The following ANK1 variants were observed in gnomAD, a reference collection of about 807,000 sequenced individuals.
ANK1 encodes ankyrin 1.
Under a neutral mutation model 210.4 loss-of-function variants are expected in ANK1, and 51 were observed. That is an observed-to-expected ratio of 0.24 (90% CI 0.19 to 0.31). ANK1 has a LOEUF of 0.31. Ranked by LOEUF, ANK1 falls within the 10% of genes least tolerant of loss-of-function variation. The pLI is 1.00. For missense variants in ANK1, 2,051 were observed against 2,504.4 expected (o/e 0.82, Z 3.86); for synonymous variants, 967 against 1,025.9 (o/e 0.94, Z 1.10).
chr8:41,802,572 T>C (rs949728603), upstream of ANK1, among the ~76,000 whole-genome samples: 1 of 152,170 alleles, frequency 6.6e-6, no homozygotes, highest in Admixed American at 6.6e-5. Flanking sequence ...TAATAATACA[T>C]TTTATAATAA....
rs1805352990 is a variant in ANK1 at position 41,655,497 on chromosome 8, TC to T, written c.*292del. On this transcript the variant is annotated 3_prime_UTR_variant, in exon 43 of 43. Transcript: ENST00000289734. ...TGCGCTTGTTTTCTATCCCTCTCTC[TC>T]CCCGCTTCTTGCTGCTTTTGTGTCC... 1.8e-6 allele frequency: 1 copy of T among 543,304 alleles called. No homozygotes were observed. The highest frequency in any genetic ancestry group is 3.3e-6 in the Non-Finnish European group (1 of 305,876). The allele number at this position is 543,304 out of a possible 1,614,324, so 33.7% of individuals were successfully genotyped here.
chr8:41,672,946 C>A (rs1441504955), intron 37 of ANK1, 34 bp from the exon 38 acceptor site: 1 of 1,569,566 alleles, frequency 6.4e-7, no homozygotes, highest in Admixed American at 1.7e-5. Context: ...CATGCTCCAG[C>A]AGTGATTCCT....
intron 1 of ANK1, among the ~76,000 whole-genome samples, chr8:41,767,179 C>A (rs541273004): frequency 6.6e-6 from 1 of 152,248 alleles, no homozygotes; most frequent in Non-Finnish European, 1.5e-5. Context: ...AGCAGAAGGG[C>A]AGCCCCAGCG....
At position 41,725,773 on chromosome 8, in the gene ANK1, G is replaced by A. The variant is rs1830530938; in HGVS notation, c.600C>T (p.Asp200=). 2 of 1,610,610 alleles carry A rather than the reference G, an allele frequency of 1.2e-6. No homozygotes were observed. Among genetic ancestry groups the A allele is most frequent in the East Asian group, 2.2e-5 (1 of 44,864 alleles). ...TCCTCGCCCTCACCTTGGAAAGCAC[G>A]TCCGGGTTGGGGTCGTTCTGCAGCA... ...AVLLQNDPNP[D]VLSKTGFTPL... is the part of the protein sequence containing the mutation. The change falls in exon 6 of 43, where the codon GAC becomes GAT. Residue 200 remains aspartate, a synonymous_variant. Coordinates refer to ENST00000289734, the MANE Select transcript of ANK1 (RefSeq NM_000037.4).
chr8:41,703,451 T>TATATATATATATATATATATA (rs1554555252), intron 20 of ANK1, among the ~76,000 whole-genome samples: 2 of 37,400 alleles, frequency 5.3e-5, no homozygotes, highest in Admixed American at 3.7e-4. Flanking sequence ...TATATATATA[T>TATATATATATATATATATATA]TTTTTTTTTT....
chr8:41,817,569 C>T (rs562931573), intron 1 of ANK1, among the ~76,000 whole-genome samples: 1 of 152,306 alleles, frequency 6.6e-6, no homozygotes, highest in Admixed American at 6.5e-5. Flanking sequence ...TCCTTTATAT[C>T]AAGAAGCAGA....
At position 41,672,820 on chromosome 8, in the gene ANK1, C is replaced by A; in HGVS notation, c.4630G>T (p.Val1544Leu). ...PLRADQYWNE[V>L]AVLDAIPLAA... ...AAGGGGATGGCGTCTAGGACGGCCACCTCATTCCAGTACTGGTCTGCACGT... is the reference window on the plus strand; with the variant it reads ...AAGGGGATGGCGTCTAGGACGGCCAACTCATTCCAGTACTGGTCTGCACGT... Residue 1544 changes from valine to leucine, a missense_variant, in exon 38 of 43, where the codon GTG (valine) becomes TTG (leucine). By Grantham distance (32) the Val-to-Leu change is conservative (BLOSUM62 1). This residue lies in a region of ANK1 where 496 missense variants were observed against 533.4 expected (regional missense o/e 0.93). Coordinates refer to ENST00000289734, the MANE Select transcript of ANK1 (RefSeq NM_000037.4). 6.2e-7 allele frequency: 1 copy of A among 1,610,376 alleles called. No individual in the cohort carries two copies. Among genetic ancestry groups the A allele is most frequent in the Non-Finnish European group, 8.5e-7 (1 of 1,177,824 alleles).
Position 41,848,886 on chromosome 8 carries a change from C to T in ANK1, c.126+47469G>A, listed in dbSNP as rs74446912. On this transcript the variant is annotated intron_variant, in intron 1 of 42. Transcript: ENST00000265709. ...AAAGCCCATTCCCCACTGCAGGGAACGTTGCTTCAGGGGCCCTGGGCCAGA... is the reference window on the plus strand; with the variant it reads ...AAAGCCCATTCCCCACTGCAGGGAATGTTGCTTCAGGGGCCCTGGGCCAGA... Among the ~76,000 whole-genome samples, 147 of 152,250 alleles carry T rather than the reference C, an allele frequency of 9.7e-4. 1 individual carries two copies. In the East Asian group the frequency reaches 0.026, roughly 27 times the overall value.
chr8:41,753,280 G>A (rs1254538694), intron 2 of ANK1, among the ~76,000 whole-genome samples: 2 of 151,974 alleles, frequency 1.3e-5, no homozygotes, highest in African/African-American at 2.4e-5. Flanking sequence ...AGGCCAGGCT[G>A]GTCTCGAACA....
chr8:41,662,398 C>T (rs1488147241), intron 40 of ANK1, among the ~76,000 whole-genome samples: 1 of 152,228 alleles, frequency 6.6e-6, no homozygotes, highest in Non-Finnish European at 1.5e-5. Context: ...ACAGCCTTTG[C>T]CCCATTGCTT....
intron 1 of ANK1, among the ~76,000 whole-genome samples, chr8:41,805,915 A>G (rs74443250): frequency 0.013 from 1,978 of 152,348 alleles, 30 homozygotes; most frequent in Middle Eastern, 0.02. Flanking sequence ...GTATTTTAAT[A>G]GCCTTTTCAT....
chr8:41,675,535 G>C (rs1813847476), intron 37 of ANK1, among the ~76,000 whole-genome samples: 1 of 152,198 alleles, frequency 6.6e-6, no homozygotes, highest in South Asian at 2.1e-4. Context: ...CATACAGCTA[G>C]TAAGTTTGGT....
chr8:41,730,084 A>T (rs1831736381), intron 3 of ANK1, among the ~76,000 whole-genome samples: 1 of 152,238 alleles, frequency 6.6e-6, no homozygotes, highest in Non-Finnish European at 1.5e-5. Flanking sequence ...GAAACTTAAG[A>T]ACTGACAAGC....
chr8:41,841,236 C>T (rs1017256488), intron 1 of ANK1, among the ~76,000 whole-genome samples: 1 of 152,170 alleles, frequency 6.6e-6, no homozygotes, highest in Non-Finnish European at 1.5e-5. Context: ...TGAGGGAAAT[C>T]CTACTGGGAA....
In ANK1 at chr8:41,805,062, C is replaced by CTGTG. The variant is rs1314494470; in HGVS notation, c.127-46926_127-46925insCACA. Among the ~76,000 whole-genome samples, 10 of 130,308 alleles carry CTGTG rather than the reference C, an allele frequency of 7.7e-5. No homozygotes were observed. The South Asian group carries it at 2.0e-3, about 26-fold the overall frequency. The allele number at this position is 130,308 out of a possible 152,430, so 85.5% of individuals were successfully genotyped here. ...CCCATAGAGCTGTTTCTTTCTTTCT[C>CTGTG]TCTGTGTGTGTGTGTGTGTGTCGTG... On this transcript the variant is annotated intron_variant, in intron 1 of 42. Transcript: ENST00000265709.
At chr8:41,661,692 G>A in intron 41 of ANK1, 128 bp from the exon 42 acceptor site, 1 of 1,597,618 alleles carries the variant, frequency 6.3e-7, no homozygotes, top group Non-Finnish European at 8.5e-7. Flanking sequence ...AGAGACTGGA[G>A]AGAGAGCTCA....
chr8:41,711,549 G>A (rs960483111), intron 16 of ANK1, among the ~76,000 whole-genome samples: 4 of 152,176 alleles, frequency 2.6e-5, no homozygotes, highest in African/African-American at 7.2e-5. Context: ...GAGGTCACTC[G>A]GCCCAGGACC....
At chr8:41,781,353 A>G (rs1190391502) in intron 1 of ANK1, among the ~76,000 whole-genome samples, 1 of 152,196 alleles carries the variant, frequency 6.6e-6, no homozygotes, top group African/African-American at 2.4e-5. Flanking sequence ...CCATTCCCCA[A>G]CTGGAAGGGC....
At chr8:41,889,877 G>A (rs1169337900) in intron 1 of ANK1, among the ~76,000 whole-genome samples, 4 of 152,168 alleles carry the variant, frequency 2.6e-5, no homozygotes, top group African/African-American at 7.2e-5. Flanking sequence ...AGTTATTGAC[G>A]AACCCATGCA....
Sources: gnomAD v4.1 joint callset for allele counts (sites outside exome capture counted in the v4.1 genomes callset) on GRCh38, gnomAD v4.1.1 for gene constraint, gnomAD v4.1.1 regional missense constraint, MANE v1.5 for transcripts, NCBI Gene and HGNC (gene_info 2026-07-23, HGNC 2026-07-21) for gene names.